The following UPRT variants were observed in gnomAD, a reference collection of about 807,000 sequenced individuals.
UPRT encodes the protein uracil phosphoribosyltransferase homolog, also known as RP11-311P8.3.
A neutral mutation model predicts 22.6 loss-of-function variants in UPRT; 5 were observed. The observed-to-expected ratio is 0.22, with a 90% CI of 0.12 to 0.47. The LOEUF (loss-of-function observed/expected upper bound fraction) is 0.47. Ranked by LOEUF, UPRT falls within the 20% of genes least tolerant of loss-of-function variation. The pLI is 0.99. For missense variants in UPRT, 181 were observed against 239.9 expected (o/e 0.75, Z 1.62); for synonymous variants, 77 against 87.7 (o/e 0.88, Z 0.68).
At chrX:75,299,476 A>G (rs953918424) in intron 4 of UPRT, among the ~76,000 whole-genome samples, 39 of 112,067 alleles carry the variant, frequency 3.5e-4, no homozygotes, top group East Asian at 1.1e-3. Context: ...TCACGGAAGC[A>G]TGACAGCTCT....
intron 1 of UPRT, among the ~76,000 whole-genome samples, chrX:75,279,721 T>C (rs1173122967): frequency 9.0e-6 from 1 of 111,268 alleles, no homozygotes; most frequent in Non-Finnish European, 1.9e-5. Context: ...AGTGGTGATT[T>C]ATGAGATTTT....
chrX:75,236,780 C>A (rs1569271390), intron 4 of UPRT, among the ~76,000 whole-genome samples: 1 of 112,276 alleles, frequency 8.9e-6, no homozygotes, highest in Non-Finnish European at 1.9e-5. Context: ...CTTCCTTACA[C>A]CTTATACAAA....
intron 4 of UPRT, among the ~76,000 whole-genome samples, chrX:75,207,688 A>G (rs947288675): frequency 1.8e-5 from 2 of 111,805 alleles, no homozygotes; most frequent in Non-Finnish European, 3.8e-5. Flanking sequence ...AAGATGCCAT[A>G]GTAATGTGTT....
intron 1 of UPRT, among the ~76,000 whole-genome samples, chrX:75,275,306 A>G (rs2082627012): frequency 8.9e-6 from 1 of 112,328 alleles, no homozygotes; most frequent in African/African-American, 3.2e-5. Flanking sequence ...ACTTCATGTT[A>G]AAATGTAATT....
At chrX:75,262,504 T>G (rs756675752) in intron 4 of UPRT, among the ~76,000 whole-genome samples, 1 of 111,632 alleles carries the variant, frequency 9.0e-6, no homozygotes, top group Admixed American at 9.6e-5. Flanking sequence ...GGATGAAGAT[T>G]CAAGACCCAT....
At chrX:75,254,421 GAAGA>G (rs1482300919) in intron 4 of UPRT, among the ~76,000 whole-genome samples, 2 of 112,230 alleles carry the variant, frequency 1.8e-5, no homozygotes, top group African/African-American at 6.5e-5. Flanking sequence ...CAAAGAAGTA[GAAGA>G]AAGAAAGTCA....
intron 4 of UPRT, among the ~76,000 whole-genome samples, chrX:75,233,128 A>G (rs759373349): frequency 1.8e-3 from 197 of 111,929 alleles, no homozygotes; most frequent in South Asian, 8.3e-3. Flanking sequence ...CTGGACAACT[A>G]CGTGAAGAAT....
chrX:75,272,334 A>ATATATATG (rs2082612648), upstream of UPRT, among the ~76,000 whole-genome samples: 8 of 94,866 alleles, frequency 8.4e-5, no homozygotes, highest in African/African-American at 3.3e-4. Flanking sequence ...ATATATGTAT[A>ATATATATG]TATATATATA....
At chrX:75,236,428 C>T (rs1201319519) in intron 4 of UPRT, among the ~76,000 whole-genome samples, 3 of 111,428 alleles carry the variant, frequency 2.7e-5, no homozygotes, top group African/African-American at 9.8e-5. Context: ...TGACTTTCTT[C>T]ACAGAATTGG....
intron 4 of UPRT, among the ~76,000 whole-genome samples, chrX:75,224,572 C>A (rs979922629): frequency 9.0e-6 from 1 of 111,173 alleles, no homozygotes; most frequent in Non-Finnish European, 1.9e-5. Context: ...TAGTTCTCTT[C>A]CACGTTTTTT....
At chrX:75,272,343 T>C (rs988613533), upstream of UPRT, among the ~76,000 whole-genome samples, 30 of 89,794 alleles carry the variant, frequency 3.3e-4, no homozygotes, top group African/African-American at 5.6e-4. Context: ...TATATATATA[T>C]ACACATATAT....
chrX:75,289,100 G>C (rs927402593), intron 1 of UPRT, among the ~76,000 whole-genome samples: 6 of 110,874 alleles, frequency 5.4e-5, no homozygotes, highest in African/African-American at 2.0e-4. Context: ...GCTGGGCATG[G>C]TGGCTCGCCA....
chrX:75,249,222 T>C (rs2082518866), intron 4 of UPRT, among the ~76,000 whole-genome samples: 1 of 111,583 alleles, frequency 9.0e-6, no homozygotes, highest in Admixed American at 9.6e-5. Context: ...TAACCTTAAA[T>C]GTAAATGGGC....
chrX:75,245,392 G>A (rs192120256), intron 4 of UPRT, among the ~76,000 whole-genome samples: 60 of 111,270 alleles, frequency 5.4e-4, no homozygotes, highest in Admixed American at 5.2e-3. Flanking sequence ...GTGAGTTCTC[G>A]AATAAGTCAA....
At chrX:75,276,274 C>T (rs2082631401) in intron 1 of UPRT, among the ~76,000 whole-genome samples, 1 of 111,721 alleles carries the variant, frequency 9.0e-6, no homozygotes, top group South Asian at 3.7e-4. Flanking sequence ...TTGTATAGAT[C>T]TTATCCTGCC....
At chrX:75,297,592 C>T in intron 4 of UPRT, 39 bp downstream of exon 4, 1 of 1,182,917 alleles carries the variant, frequency 8.5e-7, no homozygotes, top group Non-Finnish European at 1.1e-6. Flanking sequence ...TCTTTGTATG[C>T]ATAGAAATGG....
chrX:75,175,011 G>A (rs6655628), intron 4 of UPRT, among the ~76,000 whole-genome samples: 10 of 108,058 alleles, frequency 9.3e-5, no homozygotes, highest in Admixed American at 3.0e-4. Flanking sequence ...TCTCTCTCTC[G>A]TTCTCTGATG....
At chrX:75,272,950 A>G (rs1287227289), upstream of UPRT, among the ~76,000 whole-genome samples, 1 of 112,119 alleles carries the variant, frequency 8.9e-6, no homozygotes, top group Non-Finnish European at 1.9e-5. Context: ...GATAGAATGG[A>G]TAAAGAAAAT....
At chrX:75,294,077 A>C (rs771939358) in intron 2 of UPRT, among the ~76,000 whole-genome samples, 1 of 109,961 alleles carries the variant, frequency 9.1e-6, no homozygotes, top group Non-Finnish European at 1.9e-5. Flanking sequence ...TCTCAGTCCA[A>C]ATTGGTTTGT....
Sources: gnomAD v4.1 joint callset for allele counts (sites outside exome capture counted in the v4.1 genomes callset) on GRCh38, gnomAD v4.1.1 for gene constraint, MANE v1.5 for transcripts, NCBI Gene and HGNC (gene_info 2026-07-23, HGNC 2026-07-21) for gene names.